Variants in ATP7A observed in about 807,000 individuals in gnomAD.
ATP7A encodes ATPase copper transporting alpha, also known as copper-transporting ATPase 1.
ATP7A carries 7 observed loss-of-function variants against 83.5 expected under a neutral mutation model. The observed-to-expected ratio is 0.08, with a 90% CI of 0.05 to 0.16. The LOEUF is 0.16. Among genes scored for constraint, ATP7A ranks in the 10% least tolerant of loss-of-function variants. The pLI, the probability that ATP7A is intolerant of heterozygous loss-of-function variation, is 1.00. For missense variants in ATP7A, 940 were observed against 1,120.8 expected, an observed-to-expected ratio of 0.84 and a Z score of 2.30; for synonymous variants, 354 against 395.2, an observed-to-expected ratio of 0.90 and a Z score of 1.24.
chrX:77,955,063 A>G (rs1336531789), intron 1 of ATP7A, among the ~76,000 whole-genome samples: 2 of 111,215 alleles, frequency 1.8e-5, no homozygotes, highest in Non-Finnish European at 3.8e-5. Context: ...GAAGTTAAAC[A>G]TTAAATATAT....
At chrX:77,943,809 G>A (rs1282421609) in intron 1 of ATP7A, among the ~76,000 whole-genome samples, 22 of 111,445 alleles carry the variant, frequency 2.0e-4, no homozygotes, top group Non-Finnish European at 7.5e-5. Context: ...TCTATAGTAT[G>A]GATGCACCAT....
At chrX:77,996,154 G>A (rs782250452) in intron 4 of ATP7A, among the ~76,000 whole-genome samples, 5 of 111,792 alleles carry the variant, frequency 4.5e-5, no homozygotes, top group African/African-American at 1.3e-4. Flanking sequence ...ATTTTACATC[G>A]TTTATCATTC....
rs781985292 is a variant in ATP7A at position 77,932,907 on chromosome X, GA to G, written c.-22+22073del. Among the ~76,000 whole-genome samples, 9 of 109,582 alleles carry G rather than the reference GA, an allele frequency of 8.2e-5. No homozygotes were observed. In the South Asian group the frequency reaches 2.7e-3, roughly 33 times the overall value. On this transcript the variant is annotated intron_variant, in intron 1 of 22. Transcript: ENST00000341514. ...GAGGGAGACCGTGGAAAGAGAGGGAGAGGGGGACCGTGGGGAGAGGGAGAGG... is the reference window on the plus strand; with the variant it reads ...GAGGGAGACCGTGGAAAGAGAGGGAGGGGGGACCGTGGGGAGAGGGAGAGG...
chrX:78,043,657 CTTTT>C (rs781972709), intron 21 of ATP7A, among the ~76,000 whole-genome samples: 2 of 93,824 alleles, frequency 2.1e-5, no homozygotes, highest in Non-Finnish European at 2.2e-5. Flanking sequence ...TTCCCTCCAA[CTTTT>C]TTTTTTTTTT....
chrX:78,021,666 T>C (rs1557235794), intron 14 of ATP7A, among the ~76,000 whole-genome samples: 2 of 111,709 alleles, frequency 1.8e-5, no homozygotes, highest in African/African-American at 6.5e-5. Flanking sequence ...ATATATAAAC[T>C]TTAAGTCATG....
At chrX:77,954,042 T>C (rs1351028745) in intron 1 of ATP7A, among the ~76,000 whole-genome samples, 1 of 112,500 alleles carries the variant, frequency 8.9e-6, no homozygotes, top group Non-Finnish European at 1.9e-5. Context: ...GTACATTGCC[T>C]TTTAATTTGA....
At chrX:77,964,649 C>T (rs782566498) in intron 1 of ATP7A, 2 of 109,112 alleles carry the variant, frequency 1.8e-5, no homozygotes, top group Middle Eastern at 4.8e-3. Flanking sequence ...ATCCCACTTA[C>T]GAGTGAGAAC....
Position 78,038,930 on chromosome X carries a change from C to A in ATP7A, c.3606C>A (p.Phe1202Leu). 8.3e-7 allele frequency: 1 copy of A among 1,210,821 alleles called. No individual in the cohort carries two copies. Among genetic ancestry groups the A allele is most frequent in the Non-Finnish European group, 1.1e-6 (1 of 894,825 alleles). ...TCATTAATAACGATGTAAATGATTT[C>A]ATGACTGAACATGAGAGAAAAGGTC... ...GLVINNDVND[F>L]MTEHERKGRT... is the part of the protein sequence containing the mutation. Residue 1202 changes from phenylalanine (F) to leucine (L), a missense_variant, in exon 18 of 23, where the codon TTC (phenylalanine) becomes TTA (leucine). By Grantham distance (22) the Phe-to-Leu change is conservative (BLOSUM62 0). Around this residue, in one of 3 missense-constraint regions of ATP7A, gnomAD observed 386 missense variants for 502.2 expected, o/e 0.77. Coordinates refer to ENST00000341514, the MANE Select transcript of ATP7A (RefSeq NM_000052.7).
chrX:77,991,450 TTTG>T (rs2077668706), intron 4 of ATP7A, among the ~76,000 whole-genome samples: 1 of 111,633 alleles, frequency 9.0e-6, no homozygotes, highest in African/African-American at 3.3e-5. Context: ...ATATCACATT[TTTG>T]TTTTTTCATT....
intron 1 of ATP7A, among the ~76,000 whole-genome samples, chrX:77,931,503 CG>C (rs2077274725): frequency 1.8e-5 from 2 of 112,688 alleles, no homozygotes; most frequent in African/African-American, 3.2e-5. Context: ...ATTGTCATCC[CG>C]GCCCGTTCTC....
At chrX:78,010,792 A>AG (rs1557234348) in intron 7 of ATP7A, among the ~76,000 whole-genome samples, 1 of 108,455 alleles carries the variant, frequency 9.2e-6, no homozygotes, top group East Asian at 2.9e-4. Context: ...TGTTGGCCAT[A>AG]CTGCTCTCGA....
chrX:78,021,842 A>G (rs1363355743), intron 14 of ATP7A, among the ~76,000 whole-genome samples: 1 of 111,581 alleles, frequency 9.0e-6, no homozygotes, highest in Non-Finnish European at 1.9e-5. Flanking sequence ...TTTCAAGCCT[A>G]AAACATCCTG....
intron 1 of ATP7A, among the ~76,000 whole-genome samples, chrX:77,940,660 A>T (rs2077346526): frequency 9.0e-6 from 1 of 111,670 alleles, no homozygotes; most frequent in Non-Finnish European, 1.9e-5. Context: ...AAGACTAACA[A>T]TATGTGACAG....
intron 1 of ATP7A, among the ~76,000 whole-genome samples, chrX:77,927,270 C>A (rs1557223699): frequency 9.0e-6 from 1 of 110,902 alleles, no homozygotes; most frequent in Non-Finnish European, 1.9e-5. Flanking sequence ...TAAAGAGCAA[C>A]CCTATTAACT....
intron 1 of ATP7A, among the ~76,000 whole-genome samples, chrX:77,931,811 G>C (rs1312559774): frequency 2.9e-5 from 3 of 101,860 alleles, no homozygotes; most frequent in Admixed American, 1.0e-4. Flanking sequence ...CGGCTGGCCG[G>C]GCGGGGGGCT....
At chrX:78,003,041 A>T (rs781939181) in intron 5 of ATP7A, 32 bp from the exon 6 acceptor site, 5 of 1,163,402 alleles carry the variant, frequency 4.3e-6, no homozygotes. Flanking sequence ...AAAGAATGTT[A>T]TCTGTATTGT....
At position 78,001,844 on chromosome X, in the gene ATP7A, A is replaced by G. The variant is rs782121718; in HGVS notation, c.1544-1229A>G. 2.7e-5 allele frequency among the ~76,000 whole-genome samples: 3 copies of G among 110,945 alleles called. No individual in the cohort carries two copies. In the South Asian group the frequency reaches 1.1e-3, roughly 42 times the overall value. ...GGTTGTTAAAAAAAAAAAGGTTTGC[A>G]CTAGTGAACAGCATGACTGCCATAA... On this transcript the variant is annotated intron_variant, in intron 5 of 22. Transcript: ENST00000341514.
Position 77,998,464 on chromosome X carries a change from T to C in ATP7A, c.1337-14T>C. On this transcript the variant is annotated splice_polypyrimidine_tract_variant and intron_variant, in intron 4 of 22. Coordinates refer to ENST00000341514, the MANE Select transcript of ATP7A (RefSeq NM_000052.7). ...CAATACTGCAAATGAAAAGAATCTT[T>C]CCCTTTCTACCAGACACGAATGAGC... The C allele has an allele frequency of 8.3e-7, 1 of 1,207,303 alleles. No homozygotes were observed. Among genetic ancestry groups the C allele is most frequent in the Non-Finnish European group, 1.1e-6 (1 of 891,419 alleles).
chrX:77,930,338 T>G (rs1383384082), intron 1 of ATP7A, among the ~76,000 whole-genome samples: 2 of 111,700 alleles, frequency 1.8e-5, no homozygotes, highest in African/African-American at 6.5e-5. Flanking sequence ...TACTAAAGCA[T>G]TGGGTTGAGA....
Sources: allele counts gnomAD v4.1 joint callset (sites outside exome capture counted in the v4.1 genomes callset), GRCh38; gene constraint gnomAD v4.1.1; regional missense constraint gnomAD v4.1.1; transcripts MANE v1.5; gene names NCBI Gene and HGNC (gene_info 2026-07-23, HGNC 2026-07-21).